The following ACIN1 variants were observed in gnomAD, a reference collection of about 807,000 sequenced individuals.
ACIN1 encodes the protein apoptotic chromatin condensation inducer 1.
Under a neutral mutation model 146.6 loss-of-function variants are expected in ACIN1, and 16 were observed. The observed-to-expected ratio is 0.11, with a 90% CI of 0.07 to 0.17. The LOEUF (loss-of-function observed/expected upper bound fraction) is 0.17. Ranked by LOEUF, ACIN1 falls within the 10% of genes least tolerant of loss-of-function variation. The pLI is 1.00. For synonymous variants in ACIN1, 569 were observed against 582.7 expected (o/e 0.98, Z 0.34); for missense variants, 1,357 against 1,609.3 (o/e 0.84, Z 2.68).
At chr14:23,093,073 T>C (rs2140249882) in intron 2 of ACIN1, among the ~76,000 whole-genome samples, 1 of 152,216 alleles carries the variant, frequency 6.6e-6, no homozygotes, top group East Asian at 1.9e-4. Context: ...CCTTGGAAAA[T>C]CTACATCAAC....
Position 23,084,515 on chromosome 14 carries a change from C to G in ACIN1, c.437-2679G>C, listed in dbSNP as rs181399984. On this transcript the variant is annotated intron_variant, in intron 4 of 18. Transcript: ENST00000605057. ...GTCCCAGCTACTCAGGGGGCTGAGG[C>G]AGAAGAATCGCTTGAACCTGGGAGG... Among the ~76,000 whole-genome samples the G allele has an allele frequency of 1.7e-3, 251 of 151,308 alleles. 1 individual carries two copies. The highest frequency in any genetic ancestry group is 5.6e-3 in the African/African-American group (229 of 41,122).
intron 5 of ACIN1, among the ~76,000 whole-genome samples, chr14:23,081,017 G>C (rs1170285942): frequency 6.6e-6 from 1 of 151,096 alleles, no homozygotes; most frequent in African/African-American, 2.4e-5. Flanking sequence ...TCACAATGAA[G>C]CTACTTGTAT....
chr14:23,087,874 C>G (rs1482790120), intron 4 of ACIN1, among the ~76,000 whole-genome samples: 2 of 152,176 alleles, frequency 1.3e-5, no homozygotes, highest in African/African-American at 2.4e-5. Flanking sequence ...ATTCCTATCT[C>G]TCTGACTTTG....
At chr14:23,071,602 T>C (rs2047657364) in intron 8 of ACIN1, 1 of 1,518,266 alleles carries the variant, frequency 6.6e-7, no homozygotes, top group Non-Finnish European at 8.9e-7. Flanking sequence ...GGGAGGGCCT[T>C]GCTGCAGCAG....
chr14:23,079,736 T>G lies in ACIN1; in HGVS notation c.1599A>C (p.Ser533=). ...CTGAACTGTCAGGAGAGCGAGATCTTGATCTAGAACTGGAGGAGGAAGATG... is the reference window on the plus strand; with the variant it reads ...CTGAACTGTCAGGAGAGCGAGATCTGGATCTAGAACTGGAGGAGGAAGATG... ...SSSSSSSSSR[S]RSRSPDSSGS... Residue 533 remains serine, a synonymous_variant, in exon 6 of 19, where the codon TCA becomes TCC. Transcript: ENST00000605057. 6.2e-7 allele frequency: 1 copy of G among 1,614,144 alleles called. No individual in the cohort carries two copies. Among genetic ancestry groups the G allele is most frequent in the Non-Finnish European group, 8.5e-7 (1 of 1,180,028 alleles).
In ACIN1 at chr14:23,067,189, A is replaced by C. The variant is rs1365505547; in HGVS notation, c.2266-1181T>G. Reference sequence around the variant, plus strand: ...AGGAAAAACATGAACCAAATAAATAAATAAAAGAAATCAGAAAAAATAAAG... The same window carrying C: ...AGGAAAAACATGAACCAAATAAATACATAAAAGAAATCAGAAAAAATAAAG... On this transcript the variant is annotated intron_variant, in intron 9 of 18. Transcript: ENST00000605057. This position sits in a 1 kb window ranked among gnomAD's most constrained non-coding sequence, Gnocchi z 4.6. 5 of 690,882 alleles carry C rather than the reference A, an allele frequency of 7.2e-6. No individual in the cohort carries two copies. The highest frequency in any genetic ancestry group is 8.9e-6 in the Non-Finnish European group (5 of 561,484). The allele number at this position is 690,882 out of a possible 1,614,324, so 42.8% of individuals were successfully genotyped here. A position where few individuals can be genotyped will look rare whatever the true frequency, so the allele number is the denominator to read the frequency against.
chr14:23,094,710 G>T, intron 1 of ACIN1: 2 of 642,208 alleles, frequency 3.1e-6, no homozygotes, highest in South Asian at 2.7e-5. Flanking sequence ...AGGGGGTGGG[G>T]GAAGGAGGAA....
At chr14:23,094,905 G>A in intron 1 of ACIN1, 70 bp downstream of exon 1, 1 of 1,503,888 alleles carries the variant, frequency 6.6e-7, no homozygotes, top group South Asian at 1.3e-5. Flanking sequence ...TACTGCGCCT[G>A]CGCCGCGGCA....
Position 23,080,766 on chromosome 14 carries a change from T to C in ACIN1, c.569A>G (p.Glu190Gly), listed in dbSNP as rs780604987. 6 of 1,612,448 alleles carry C rather than the reference T, an allele frequency of 3.7e-6. No individual in the cohort carries two copies. Among genetic ancestry groups the C allele is most frequent in the Non-Finnish European group, 5.1e-6 (6 of 1,178,940 alleles). The change falls in exon 6 of 19, where the codon GAG (glutamate) becomes GGG (glycine). Residue 190 changes from glutamate to glycine, a missense_variant. Glu to Gly is a moderately conservative substitution (Grantham distance 98). Transcript: ENST00000605057. Reference sequence around the variant, plus strand: ...GGAAGGTGTTTCTTGATCCTCTTCCTCCTCAGCAGGTTGGCTGCCCTCAGA... The same window carrying C: ...GGAAGGTGTTTCTTGATCCTCTTCCCCCTCAGCAGGTTGGCTGCCCTCAGA... ...KLSEGSQPAE[E>G]EEDQETPSRN...
chr14:23,081,647 C>T, intron 5 of ACIN1, 101 bp downstream of exon 5: 2 of 1,042,236 alleles, frequency 1.9e-6, no homozygotes. Flanking sequence ...AAAAACAAAA[C>T]CCCTAAATGT....
Position 23,080,460 on chromosome 14 carries a change from C to CTTT in ACIN1, c.872_874dup (p.Lys291dup). ...CTCCTGCTGCTGTCTGGCCAGATGACTTTTTCTAGCCTCTTCCTGGGATCT... is the reference window on the plus strand; with the variant it reads ...CTCCTGCTGCTGTCTGGCCAGATGACTTTTTTTTCTAGCCTCTTCCTGGGATCT... On this transcript the variant is annotated inframe_insertion, in exon 6 of 19. Transcript: ENST00000605057. 4 of 1,614,116 alleles carry CTTT rather than the reference C, an allele frequency of 2.5e-6. No individual in the cohort carries two copies. Among genetic ancestry groups the CTTT allele is most frequent in the Non-Finnish European group, 3.4e-6 (4 of 1,180,030 alleles).
At chr14:23,078,369 T>C in intron 7 of ACIN1, 103 bp from the exon 8 acceptor site, 1 of 860,546 alleles carries the variant, frequency 1.2e-6, no homozygotes, top group Non-Finnish European at 1.8e-6. Flanking sequence ...ACATACACAG[T>C]ACCAGCTCCA....
intron 9 of ACIN1, chr14:23,069,170 C>A: frequency 9.4e-7 from 1 of 1,068,824 alleles, no homozygotes; most frequent in East Asian, 6.4e-5. Flanking sequence ...GGGAAGACAG[C>A]AGGAAAAGCT....
intron 1 of ACIN1, chr14:23,094,645 G>C: frequency 1.2e-6 from 1 of 836,742 alleles, no homozygotes; most frequent in Non-Finnish European, 1.6e-6. Context: ...GTAGGTTGTA[G>C]TGGGATTTAA....
chr14:23,087,498 G>A (rs2048118243), intron 4 of ACIN1, among the ~76,000 whole-genome samples: 1 of 149,752 alleles, frequency 6.7e-6, no homozygotes, highest in Non-Finnish European at 1.5e-5. Context: ...CATTAGCCAT[G>A]GGCAGGGTCT....
Position 23,081,767 on chromosome 14 carries a change from C to T in ACIN1, c.506G>A (p.Arg169Gln), listed in dbSNP as rs780471642. Residue 169 changes from arginine to glutamine, a missense_variant, in exon 5 of 19, where the codon CGA (arginine) becomes CAA (glutamine). Physicochemically the swap from Arg to Gln is conservative, Grantham distance 43 (BLOSUM62 1). This residue lies in a region of ACIN1 where 771 missense variants were observed against 746.6 expected (regional missense o/e 1.03). Transcript: ENST00000605057. The stretch of plus-strand genomic sequence containing the variant: ...AGTTACCTGTCTGACCCTAGATGAT[C>T]GTCTTTCTCCTTTCCTTGGTTTCTC... ...DDEKPRKGER[R>Q]SSRVRQARAA... 4.3e-6 allele frequency: 7 copies of T among 1,612,812 alleles called. No individual in the cohort carries two copies. The Admixed American group carries it at 5.0e-5, about 12-fold the overall frequency.
Position 23,094,961 on chromosome 14 carries a change from C to A in ACIN1, c.138+14G>T. ...CCGCTCTCCTCCGACACCCCAGCAA[C>A]GCCGACTCCTCACCCCTTTGAGCCG... is the stretch of plus-strand genomic sequence containing the variant. On this transcript the variant is annotated intron_variant, in intron 1 of 18. Coordinates refer to ENST00000605057, the MANE Select transcript of ACIN1 (RefSeq NM_001386863.1). 1 of 1,578,324 alleles carries A rather than the reference C, an allele frequency of 6.3e-7. No homozygotes were observed. Among genetic ancestry groups the A allele is most frequent in the South Asian group, 1.1e-5 (1 of 88,362 alleles).
chr14:23,085,815 G>T (rs1178469710), intron 4 of ACIN1, among the ~76,000 whole-genome samples: 1 of 152,208 alleles, frequency 6.6e-6, no homozygotes, highest in South Asian at 2.1e-4. Context: ...GACAGTGAGC[G>T]CTTTAGCTAA....
At chr14:23,073,756 A>T (rs1265488290) in intron 8 of ACIN1, among the ~76,000 whole-genome samples, 1 of 152,208 alleles carries the variant, frequency 6.6e-6, no homozygotes, top group African/African-American at 2.4e-5. Flanking sequence ...TGCTCTGTTT[A>T]TCCACTGTCC....
Sources: allele counts gnomAD v4.1 joint callset (sites outside exome capture counted in the v4.1 genomes callset), GRCh38; gene constraint gnomAD v4.1.1; regional missense constraint gnomAD v4.1.1; non-coding constraint Gnocchi (gnomAD v3.1); transcripts MANE v1.5; gene names NCBI Gene and HGNC (gene_info 2026-07-23, HGNC 2026-07-21).